The following PLXNA2 variants were observed in gnomAD, a reference collection of about 807,000 sequenced individuals.
The protein encoded by PLXNA2 is plexin-A2.
PLXNA2 carries 91 observed loss-of-function variants against 193.5 expected under a neutral mutation model. The observed-to-expected ratio is 0.47, with a 90% CI of 0.40 to 0.56. PLXNA2 has a LOEUF of 0.56. Ranked by LOEUF, PLXNA2 falls within the 20% of genes least tolerant of loss-of-function variation. PLXNA2 has a pLI of 0.00. For missense variants in PLXNA2, 1,995 were observed against 2,503.2 expected (o/e 0.80, Z 4.33); for synonymous variants, 997 against 1,027.3 (o/e 0.97, Z 0.56).
At chr1:208,118,523 C>A (rs79862404) in intron 4 of PLXNA2, among the ~76,000 whole-genome samples, 4 of 152,314 alleles carry the variant, frequency 2.6e-5, no homozygotes, top group East Asian at 3.9e-4. Context: ...CTGCCTCCCC[C>A]ACCCCGGGGT....
chr1:208,217,314 C>A lies in PLXNA2; in HGVS notation c.609G>T (p.Leu203=). 6.2e-7 allele frequency: 1 copy of A among 1,614,140 alleles called. No individual in the cohort carries two copies. Residue 203 remains leucine, a synonymous_variant, in exon 2 of 32, where the codon CTG becomes CTT. Transcript: ENST00000367033. The surrounding 1 kb of genome is among the most constrained non-coding windows in gnomAD (Gnocchi z 4.7). ...TGGCTGAGGACTCAGGGTCTCGGGG[C>A]AGCTTCCGGCTGGACAGGGTCGGGA... The part of the protein sequence containing the change: ...DYFPTLSSRK[L]PRDPESSAML...
chr1:208,204,475 C>A (rs938841557), intron 3 of PLXNA2, among the ~76,000 whole-genome samples: 2 of 152,192 alleles, frequency 1.3e-5, no homozygotes, highest in African/African-American at 4.8e-5. Context: ...TGTTACCCAC[C>A]AGAAGTTGTC....
At chr1:208,073,314 G>T (rs1666032047) in intron 12 of PLXNA2, among the ~76,000 whole-genome samples, 1 of 152,150 alleles carries the variant, frequency 6.6e-6, no homozygotes, top group African/African-American at 2.4e-5. Context: ...ACTGCAGAGG[G>T]TGGAGATTAG....
intron 4 of PLXNA2, among the ~76,000 whole-genome samples, chr1:208,119,471 A>G (rs1667740063): frequency 6.6e-6 from 1 of 152,186 alleles, no homozygotes; most frequent in Admixed American, 6.5e-5. Context: ...AATCAAATCA[A>G]TCCTTCACTA....
chr1:208,222,039 T>C (rs1409353162), intron 1 of PLXNA2, among the ~76,000 whole-genome samples: 4 of 152,240 alleles, frequency 2.6e-5, no homozygotes, highest in Admixed American at 2.0e-4. Flanking sequence ...GTGTTTAAGA[T>C]ACATTAGCCT....
chr1:208,096,235 A>C (rs1157109430), intron 7 of PLXNA2, 110 bp from the exon 8 acceptor site: 2 of 810,328 alleles, frequency 2.5e-6, no homozygotes, highest in Non-Finnish European at 4.2e-6. Flanking sequence ...CTCTCTTAGG[A>C]TGTAGATACT....
chr1:208,183,660 T>C (rs1664250), intron 3 of PLXNA2, among the ~76,000 whole-genome samples: 141,196 of 149,260 alleles, frequency 0.95, 67,301 homozygotes, highest in East Asian at 1. Context: ...CCTGCTTATC[T>C]ACCCCTCAGT....
intron 3 of PLXNA2, among the ~76,000 whole-genome samples, chr1:208,160,301 C>T (rs1179840802): frequency 2.6e-5 from 4 of 152,126 alleles, no homozygotes; most frequent in Non-Finnish European, 1.5e-5. Context: ...ACTATTTCCC[C>T]CTGGGAAGAG....
intron 3 of PLXNA2, among the ~76,000 whole-genome samples, chr1:208,184,209 T>C (rs1242607794): frequency 6.6e-6 from 1 of 152,090 alleles, no homozygotes; most frequent in Non-Finnish European, 1.5e-5. Context: ...TGGGGTGGGT[T>C]GAGACAGGGA....
At chr1:208,198,964 G>A (rs534260237) in intron 3 of PLXNA2, among the ~76,000 whole-genome samples, 1 of 152,330 alleles carries the variant, frequency 6.6e-6, no homozygotes. Flanking sequence ...ATTTGCAAGG[G>A]TTGATGAGGC....
intron 3 of PLXNA2, among the ~76,000 whole-genome samples, chr1:208,170,322 C>T (rs1052260621): frequency 5.9e-5 from 9 of 152,190 alleles, no homozygotes; most frequent in African/African-American, 2.2e-4. Flanking sequence ...AAACAAAGAC[C>T]AGCCTGCCTT....
At chr1:208,116,138 C>T (rs943202950) in intron 4 of PLXNA2, among the ~76,000 whole-genome samples, 11 of 152,228 alleles carry the variant, frequency 7.2e-5, no homozygotes, top group Admixed American at 3.9e-4. Flanking sequence ...CAAACATCCT[C>T]CCCTCTCCCG....
rs1666760440 is a variant in PLXNA2 at position 208,092,853 on chromosome 1, T to C, written c.2030A>G (p.Tyr677Cys). 6.2e-7 allele frequency: 1 copy of C among 1,613,918 alleles called. No homozygotes were observed. The highest frequency in any genetic ancestry group is 8.5e-7 in the Non-Finnish European group (1 of 1,179,906). The change falls in exon 9 of 32, where the codon TAC (tyrosine) becomes TGC (cysteine). Residue 677 changes from tyrosine (Y) to cysteine (C), a missense_variant. By Grantham distance (194) the Tyr-to-Cys change is radical. Around this residue, in one of 3 missense-constraint regions of PLXNA2, gnomAD observed 1,291 missense variants for 1,673.6 expected, o/e 0.77. Transcript: ENST00000367033. ...GGGGTCATGAGTGCAGAGGTTGCGG[T>C]ACTTGCACCAATGGCAGCGGAAGGC... ...NSAFRCHWCK[Y>C]RNLCTHDPTT... is the part of the protein sequence containing the mutation.
intron 2 of PLXNA2, 105 bp from the exon 3 acceptor site, chr1:208,210,567 A>T: frequency 1.0e-6 from 1 of 980,654 alleles, no homozygotes; most frequent in Non-Finnish European, 1.5e-6. Context: ...CAGGCCTCAG[A>T]GAGGCAGACA....
At chr1:208,175,298 G>A (rs1669626825) in intron 3 of PLXNA2, among the ~76,000 whole-genome samples, 1 of 152,140 alleles carries the variant, frequency 6.6e-6, no homozygotes, top group South Asian at 2.1e-4. Context: ...CATTCCAACT[G>A]GGTCCACTCA....
intron 4 of PLXNA2, among the ~76,000 whole-genome samples, chr1:208,139,610 G>T (rs1216522380): frequency 6.6e-6 from 1 of 152,218 alleles, no homozygotes; most frequent in African/African-American, 2.4e-5. Flanking sequence ...ATGGACTTCA[G>T]ATATGGTGTT....
At chr1:208,040,102 G>A (rs774006047) in intron 22 of PLXNA2, 44 bp from the exon 23 acceptor site, 1 of 1,501,728 alleles carries the variant, frequency 6.7e-7, no homozygotes, top group Non-Finnish European at 9.3e-7. Flanking sequence ...TCACAGAGGG[G>A]TCTCCGTGGT....
chr1:208,241,653 T>G (rs1484124285), intron 1 of PLXNA2, among the ~76,000 whole-genome samples: 1 of 152,244 alleles, frequency 6.6e-6, no homozygotes, highest in Non-Finnish European at 1.5e-5. Context: ...CATTTCCATT[T>G]AACTGCTTTG....
chr1:208,227,440 G>C (rs1013597876), intron 1 of PLXNA2, among the ~76,000 whole-genome samples: 2 of 152,036 alleles, frequency 1.3e-5, no homozygotes, highest in African/African-American at 4.8e-5. Flanking sequence ...CAAGATTCTC[G>C]AGGCCCATGC....
Sources: allele counts gnomAD v4.1 joint callset (sites outside exome capture counted in the v4.1 genomes callset), GRCh38; gene constraint gnomAD v4.1.1; regional missense constraint gnomAD v4.1.1; non-coding constraint Gnocchi (gnomAD v3.1); transcripts MANE v1.5; gene names NCBI Gene and HGNC (gene_info 2026-07-23, HGNC 2026-07-21).